Variants in AGAP1 observed in about 807,000 individuals in gnomAD.
The protein encoded by AGAP1 is ArfGAP with GTPase domain, ankyrin repeat and PH domain 1, also known as arf-GAP with GTPase, ANK repeat and PH domain-containing protein 1.
Under a neutral mutation model 105.3 loss-of-function variants are expected in AGAP1, and 29 were observed. The ratio of observed to expected loss-of-function variants is 0.28; its 90% CI spans 0.21 to 0.38. The LOEUF (loss-of-function observed/expected upper bound fraction) is 0.38, where lower values mean the gene tolerates loss of function less well. Ranked by LOEUF, AGAP1 falls within the 10% of genes least tolerant of loss-of-function variation. The pLI, the probability that AGAP1 is intolerant of heterozygous loss-of-function variation, is 1.00. For synonymous variants in AGAP1, 509 were observed against 485.9 expected, an observed-to-expected ratio of 1.05 and a Z score of -0.63; for missense variants, 998 against 1,165.1, an observed-to-expected ratio of 0.86 and a Z score of 2.09.
At chr2:235,508,997 C>T (rs1041026729) in intron 1 of AGAP1, among the ~76,000 whole-genome samples, 2 of 152,140 alleles carry the variant, frequency 1.3e-5, no homozygotes, top group African/African-American at 2.4e-5. Flanking sequence ...GTGGTGGCTG[C>T]GCTATCTGCT....
rs1176284081 is a variant in AGAP1 at position 235,882,077 on chromosome 2, G to T, written c.1051-1268G>T. On this transcript the variant is annotated intron_variant, in intron 9 of 17. Transcript: ENST00000304032. The surrounding 1 kb of genome is among the most constrained non-coding windows in gnomAD (Gnocchi z 4.6). ...TTTTTGTTTTGTTTTGTTTTGGTGG[G>T]TTTTTTTGTGTTTGGTTGTTTTTGT... Among the ~76,000 whole-genome samples, 2 of 151,974 alleles carry T rather than the reference G, an allele frequency of 1.3e-5. No homozygotes were observed. Among genetic ancestry groups the T allele is most frequent in the Admixed American group, 6.6e-5 (1 of 15,260 alleles).
At chr2:235,646,189 C>T (rs371740595) in intron 1 of AGAP1, among the ~76,000 whole-genome samples, 7 of 149,738 alleles carry the variant, frequency 4.7e-5, no homozygotes, top group Non-Finnish European at 1.0e-4. Flanking sequence ...GCAGGAGAAT[C>T]GCTTGAACCT....
intron 1 of AGAP1, among the ~76,000 whole-genome samples, chr2:235,699,436 G>A (rs1317916973): frequency 1.3e-5 from 2 of 152,102 alleles, no homozygotes; most frequent in African/African-American, 2.4e-5. Context: ...CTATATACTA[G>A]AAGTTGAATT....
At chr2:235,848,013 A>G (rs934195816) in intron 9 of AGAP1, among the ~76,000 whole-genome samples, 3 of 152,216 alleles carry the variant, frequency 2.0e-5, no homozygotes, top group Non-Finnish European at 1.5e-5. Context: ...TCTATAAGCA[A>G]ATGCCATTCA....
At chr2:235,826,480 TG>T (rs1216155167) in intron 9 of AGAP1, among the ~76,000 whole-genome samples, 3 of 152,062 alleles carry the variant, frequency 2.0e-5, no homozygotes, top group Non-Finnish European at 4.4e-5. Flanking sequence ...AGAGTCTTGC[TG>T]CTCTGTCACC....
At chr2:235,570,657 T>C (rs1944484284) in intron 1 of AGAP1, among the ~76,000 whole-genome samples, 1 of 152,224 alleles carries the variant, frequency 6.6e-6, no homozygotes, top group African/African-American at 2.4e-5. Context: ...TAGAGACTAG[T>C]TTTTTAAAAT....
intron 1 of AGAP1, among the ~76,000 whole-genome samples, chr2:235,708,371 G>T (rs1950657294): frequency 6.6e-6 from 1 of 152,136 alleles, no homozygotes; most frequent in Admixed American, 6.5e-5. Context: ...ATAAGAAATG[G>T]CATGTGGTGG....
intron 16 of AGAP1, among the ~76,000 whole-genome samples, chr2:236,079,110 G>A (rs1182615480): frequency 6.6e-6 from 1 of 152,174 alleles, no homozygotes; most frequent in Non-Finnish European, 1.5e-5. Context: ...TCTAGACAGA[G>A]AGTTCCACAG....
In AGAP1 at chr2:235,957,485, G is replaced by C. The variant is rs1419149087; in HGVS notation, c.1484-10977G>C. Among the ~76,000 whole-genome samples the C allele has an allele frequency of 1.3e-5, 2 of 152,150 alleles. No individual in the cohort carries two copies. The highest frequency in any genetic ancestry group is 1.5e-5 in the Non-Finnish European group (1 of 68,024). Reference sequence around the variant, plus strand: ...TGCCCCTCTGACATTGTGTACCTCTGTGTGAGCGGCAAAGGGAAAGGGACA... The same window carrying C: ...TGCCCCTCTGACATTGTGTACCTCTCTGTGAGCGGCAAAGGGAAAGGGACA... On this transcript the variant is annotated intron_variant, in intron 12 of 17. Coordinates refer to ENST00000304032, the MANE Select transcript of AGAP1 (RefSeq NM_001037131.3). This position sits in a 1 kb window ranked among gnomAD's most constrained non-coding sequence, Gnocchi z 4.6.
rs1559257713 is a variant in AGAP1, at chr2:236,082,336, C to A, written c.2114+33055C>A. On this transcript the variant is annotated intron_variant, in intron 16 of 17. Coordinates refer to ENST00000304032, the MANE Select transcript of AGAP1 (RefSeq NM_001037131.3). This position sits in a 1 kb window ranked among gnomAD's most constrained non-coding sequence, Gnocchi z 4.2. Reference sequence around the variant, plus strand: ...TTTCCACTGTAATTTCCTCTGCCAGCTAATTTAATTAATCACCCCCAGCTC... The same window carrying A: ...TTTCCACTGTAATTTCCTCTGCCAGATAATTTAATTAATCACCCCCAGCTC... Among the ~76,000 whole-genome samples the A allele has an allele frequency of 6.6e-6, 1 of 152,190 alleles. No individual in the cohort carries two copies. Among genetic ancestry groups the A allele is most frequent in the Non-Finnish European group, 1.5e-5 (1 of 68,022 alleles).
rs1946293478 is a variant in AGAP1 at position 235,615,951 on chromosome 2, GAA to G, written c.164-93224_164-93223del. Among the ~76,000 whole-genome samples the G allele has an allele frequency of 6.6e-6, 1 of 151,956 alleles. No individual in the cohort carries two copies. Among genetic ancestry groups the G allele is most frequent in the African/African-American group, 2.4e-5 (1 of 41,368 alleles). On this transcript the variant is annotated intron_variant, in intron 1 of 17. Transcript: ENST00000304032. The surrounding 1 kb of genome is among the most constrained non-coding windows in gnomAD (Gnocchi z 5.0). Reference sequence around the variant, plus strand: ...GTAAAGAGTTCTTATAAAACAATAAGAAAAATATTTCCTAACTAAAGGAAATG... The same window carrying G: ...GTAAAGAGTTCTTATAAAACAATAAGAAATATTTCCTAACTAAAGGAAATG...
intron 1 of AGAP1, among the ~76,000 whole-genome samples, chr2:235,499,565 G>C (rs576640580): frequency 1.3e-5 from 2 of 152,102 alleles, no homozygotes; most frequent in African/African-American, 2.4e-5. Context: ...GTACCTTGCC[G>C]GCACCCGGGA....
rs894396917 is a variant in AGAP1 at position 235,864,313 on chromosome 2, T to A, written c.1051-19032T>A. ...TCATGTGAAGGGGTTCGGCTCACTC[T>A]GTGGCCGGCCTGGAGGCCTGGGTGT... is the stretch of plus-strand genomic sequence containing the variant. On this transcript the variant is annotated intron_variant, in intron 9 of 17. Coordinates refer to ENST00000304032, the MANE Select transcript of AGAP1 (RefSeq NM_001037131.3). The surrounding 1 kb of genome is among the most constrained non-coding windows in gnomAD (Gnocchi z 5.0). 2.0e-5 allele frequency among the ~76,000 whole-genome samples: 3 copies of A among 152,244 alleles called. No individual in the cohort carries two copies. Among genetic ancestry groups the A allele is most frequent in the Non-Finnish European group, 4.4e-5 (3 of 68,046 alleles).
intron 13 of AGAP1, among the ~76,000 whole-genome samples, chr2:235,978,988 T>C (rs923912245): frequency 1.3e-5 from 2 of 152,196 alleles, no homozygotes; most frequent in Non-Finnish European, 2.9e-5. Context: ...GGCTCTGTTA[T>C]AAGGGGACAT....
intron 9 of AGAP1, among the ~76,000 whole-genome samples, chr2:235,816,983 G>A (rs914342776): frequency 1.3e-5 from 2 of 152,138 alleles, no homozygotes; most frequent in Non-Finnish European, 2.9e-5. Flanking sequence ...AACAGTTCCT[G>A]ACAGCAGACT....
At chr2:235,636,657 G>A (rs956708150) in intron 1 of AGAP1, among the ~76,000 whole-genome samples, 5 of 152,180 alleles carry the variant, frequency 3.3e-5, no homozygotes, top group African/African-American at 4.8e-5. Context: ...GACTCCGCTG[G>A]CCCAGAGGTG....
chr2:236,000,598 C>G lies in AGAP1; in HGVS notation c.1645+31975C>G, dbSNP rs972202608. On this transcript the variant is annotated intron_variant, in intron 13 of 17. Coordinates refer to ENST00000304032, the MANE Select transcript of AGAP1 (RefSeq NM_001037131.3). The surrounding 1 kb of genome is among the most constrained non-coding windows in gnomAD (Gnocchi z 4.3). ...TGCAGAGGCTGGGCGAACACCAGCC[C>G]GAGCCTGACTTAAGCAGGATGGGCA... Among the ~76,000 whole-genome samples, 6 of 152,118 alleles carry G rather than the reference C, an allele frequency of 3.9e-5. No homozygotes were observed. The highest frequency in any genetic ancestry group is 8.8e-5 in the Non-Finnish European group (6 of 68,038).
chr2:235,761,178 A>G (rs1365877367), intron 6 of AGAP1, among the ~76,000 whole-genome samples: 2 of 152,194 alleles, frequency 1.3e-5, no homozygotes, highest in African/African-American at 4.8e-5. Context: ...GACAATAAAT[A>G]AATTGTTATT....
chr2:236,024,088 T>C (rs1329625222), intron 13 of AGAP1, among the ~76,000 whole-genome samples: 2 of 145,840 alleles, frequency 1.4e-5, no homozygotes, highest in Non-Finnish European at 3.0e-5. Flanking sequence ...TGGAGTGCAG[T>C]GGTGTGATCT....
Sources: allele counts gnomAD v4.1 joint callset (sites outside exome capture counted in the v4.1 genomes callset), GRCh38; gene constraint gnomAD v4.1.1; non-coding constraint Gnocchi (gnomAD v3.1); transcripts MANE v1.5; gene names NCBI Gene and HGNC (gene_info 2026-07-23, HGNC 2026-07-21).